The following ELP2 variants were observed in gnomAD, a reference collection of about 807,000 sequenced individuals.
ELP2 encodes elongator acetyltransferase complex subunit 2, also known as elongator complex protein 2.
In ELP2, 90 loss-of-function variants were observed where a neutral mutation model predicts 119.2. The observed-to-expected ratio is 0.75, with a 90% CI of 0.64 to 0.90. The LOEUF is 0.90. Ranked by LOEUF, ELP2 falls within the 40% of genes least tolerant of loss-of-function variation. ELP2 has a pLI of 0.00. For missense variants in ELP2, 921 were observed against 967.8 expected (o/e 0.95, Z 0.64); for synonymous variants, 339 against 331.0 (o/e 1.02, Z -0.26).
At chr18:36,143,878 G>T (rs1219289389) in intron 8 of ELP2, among the ~76,000 whole-genome samples, 1 of 152,140 alleles carries the variant, frequency 6.6e-6, no homozygotes, top group South Asian at 2.1e-4. Flanking sequence ...AAGACCTAAA[G>T]GAATAATGTG....
chr18:36,157,570 G>A (rs2090610902), intron 13 of ELP2, among the ~76,000 whole-genome samples: 1 of 152,150 alleles, frequency 6.6e-6, no homozygotes, highest in African/African-American at 2.4e-5. Flanking sequence ...CACAAAGAGT[G>A]ATGAAAAGGA....
At chr18:36,139,654 T>C in intron 5 of ELP2, 1 of 1,481,080 alleles carries the variant, frequency 6.8e-7, no homozygotes. Flanking sequence ...TTTTTCTTTT[T>C]TCTGTAGTTG....
chr18:36,138,319 T>C lies in ELP2; in HGVS notation c.338T>C (p.Val113Ala), dbSNP rs776285370. The C allele has an allele frequency of 6.2e-7, 1 of 1,614,150 alleles. No homozygotes were observed. Among genetic ancestry groups the C allele is most frequent in the Non-Finnish European group, 8.5e-7 (1 of 1,180,006 alleles). ...GGCCATGAAGGACCTGTTTATGCGG[T>C]GCATGCTGTTTACCAGAGGAGGACA... ...LQGHEGPVYA[V>A]HAVYQRRTSD... Residue 113 changes from valine to alanine, a missense_variant, in exon 4 of 22, where the codon GTG becomes GCG. By Grantham distance (64) the Val-to-Ala change is moderately conservative. Transcript: ENST00000358232.
chr18:36,139,420 T>G, intron 5 of ELP2: 3 of 1,535,330 alleles, frequency 2.0e-6, no homozygotes, highest in Non-Finnish European at 2.6e-6. Context: ...CCTCCACAGT[T>G]ACCTGGAAGA....
At chr18:36,170,824 G>T in intron 20 of ELP2, 1 of 572,468 alleles carries the variant, frequency 1.7e-6, no homozygotes, top group African/African-American at 1.9e-5. Context: ...TGGCTCATGG[G>T]CCTTGCCAGC....
At chr18:36,134,711 A>T (rs557049854) in intron 2 of ELP2, among the ~76,000 whole-genome samples, 3 of 152,324 alleles carry the variant, frequency 2.0e-5, no homozygotes, top group African/African-American at 7.2e-5. Context: ...TCTGGACAAG[A>T]TTATCTCCAG....
intron 17 of ELP2, among the ~76,000 whole-genome samples, chr18:36,163,273 GGGGTGTGTGT>G (rs2090794176): frequency 2.7e-3 from 3 of 1,096 alleles, no homozygotes; most frequent in African/African-American, 4.5e-3. Context: ...TAGTTCATGG[GGGGTGTGTGT>G]GTGTGTGTGT....
In ELP2 at chr18:36,174,412, A is replaced by C. The variant is rs2091171068; in HGVS notation, c.2325-73A>C. On this transcript the variant is annotated intron_variant, in intron 21 of 21. Transcript: ENST00000358232. Reference sequence around the variant, plus strand: ...TTAAAACCTGTACATTTCAATTTTCAGGTTTTAACTTCCATTCATGTTTAC... The same window carrying C: ...TTAAAACCTGTACATTTCAATTTTCCGGTTTTAACTTCCATTCATGTTTAC... 12 of 1,437,272 alleles carry C rather than the reference A, an allele frequency of 8.3e-6. No homozygotes were observed. In the South Asian group the frequency reaches 1.3e-4, roughly 16 times the overall value. The allele number at this position is 1,437,272 out of a possible 1,614,324, so 89.0% of individuals were successfully genotyped here.
chr18:36,149,341 ACCAC>A (rs2090312438), intron 11 of ELP2, among the ~76,000 whole-genome samples: 1 of 152,144 alleles, frequency 6.6e-6, no homozygotes, highest in African/African-American at 2.4e-5. Flanking sequence ...AGCTATTTTT[ACCAC>A]CAGGCAATGT....
At chr18:36,163,477 A>G (rs1011582524) in intron 17 of ELP2, among the ~76,000 whole-genome samples, 1 of 151,636 alleles carries the variant, frequency 6.6e-6, no homozygotes, top group Non-Finnish European at 1.5e-5. Flanking sequence ...AGTCCAGTTT[A>G]TCAATTTTTT....
At chr18:36,139,195 T>C (rs1211422389) in intron 5 of ELP2, among the ~76,000 whole-genome samples, 1 of 152,182 alleles carries the variant, frequency 6.6e-6, no homozygotes, top group African/African-American at 2.4e-5. Flanking sequence ...AAGGTGAAGG[T>C]CTGGGGTAAG....
chr18:36,151,177 T>C (rs2144688689), intron 11 of ELP2, among the ~76,000 whole-genome samples: 1 of 151,610 alleles, frequency 6.6e-6, no homozygotes, highest in South Asian at 2.1e-4. Context: ...CTTGACCTCC[T>C]GGGCTCAATC....
At chr18:36,164,374 T>C in intron 17 of ELP2, 101 bp from the exon 18 acceptor site, 1 of 1,170,332 alleles carries the variant, frequency 8.5e-7, no homozygotes. Flanking sequence ...TTCAAACAGA[T>C]AAATAAAATA....
intron 5 of ELP2, among the ~76,000 whole-genome samples, chr18:36,140,383 G>A (rs570264986): frequency 3.3e-5 from 5 of 152,188 alleles, no homozygotes; most frequent in African/African-American, 7.2e-5. Context: ...GTCTCGCTCC[G>A]TCGCCCAGGC....
At chr18:36,159,882 ATCTATT>A in intron 15 of ELP2, 52 bp downstream of exon 15, 1 of 1,602,246 alleles carries the variant, frequency 6.2e-7, no homozygotes. Context: ...ACAGTATGTT[ATCTATT>A]GCTGCTGACC....
chr18:36,169,261 T>G (rs573763629), intron 19 of ELP2, among the ~76,000 whole-genome samples: 3 of 152,132 alleles, frequency 2.0e-5, no homozygotes, highest in South Asian at 4.2e-4. Flanking sequence ...CACACATCCT[T>G]GAGGCATGAG....
At chr18:36,140,291 C>T (rs771065730) in intron 5 of ELP2, among the ~76,000 whole-genome samples, 2 of 151,924 alleles carry the variant, frequency 1.3e-5, no homozygotes, top group African/African-American at 4.8e-5. Context: ...CCATGCCTGG[C>T]TAATTGCCTT....
At chr18:36,151,598 C>T (rs1420041848) in intron 11 of ELP2, among the ~76,000 whole-genome samples, 1 of 151,882 alleles carries the variant, frequency 6.6e-6, no homozygotes, top group East Asian at 2.0e-4. Flanking sequence ...CTCTTGAGCC[C>T]AGGAGTTTGA....
At chr18:36,163,691 AT>A (rs1385925987) in intron 17 of ELP2, among the ~76,000 whole-genome samples, 2 of 151,998 alleles carry the variant, frequency 1.3e-5, no homozygotes, top group Non-Finnish European at 2.9e-5. Context: ...TTTCAGCATC[AT>A]TTTTTTAAAA....
Sources: gnomAD v4.1 joint callset for allele counts (sites outside exome capture counted in the v4.1 genomes callset) on GRCh38, gnomAD v4.1.1 for gene constraint, MANE v1.5 for transcripts, NCBI Gene and HGNC (gene_info 2026-07-23, HGNC 2026-07-21) for gene names.